NTAQ1: variants seen among roughly 807,000 people sequenced by gnomAD.
NTAQ1 encodes N-terminal glutamine amidase 1, also known as protein N-terminal glutamine amidohydrolase.
A neutral mutation model predicts 28.2 loss-of-function variants in NTAQ1; 21 were observed. That is an observed-to-expected ratio of 0.74 (90% CI 0.53 to 1.07). The LOEUF (loss-of-function observed/expected upper bound fraction) is 1.07. Ranked by LOEUF, NTAQ1 falls within the 50% of genes least tolerant of loss-of-function variation. The pLI is 0.00. For missense variants in NTAQ1, 264 were observed against 256.6 expected (o/e 1.03, Z -0.20); for synonymous variants, 105 against 90.0 (o/e 1.17, Z -0.94).
intron 2 of NTAQ1, 120 bp from the exon 3 acceptor site, chr8:123,429,863 G>C: frequency 1.6e-6 from 1 of 611,834 alleles, no homozygotes; most frequent in Non-Finnish European, 2.6e-6. Flanking sequence ...CTGGGTGACA[G>C]AGCAGGACTC....
At chr8:123,453,195 A>G (rs1586964627) in intron 6 of NTAQ1, among the ~76,000 whole-genome samples, 1 of 152,290 alleles carries the variant, frequency 6.6e-6, no homozygotes, top group East Asian at 1.9e-4. Context: ...CCAGATGCTG[A>G]GGAGATCTTG....
At chr8:123,460,738 G>C (rs1227134198) in intron 6 of NTAQ1, among the ~76,000 whole-genome samples, 3 of 152,192 alleles carry the variant, frequency 2.0e-5, no homozygotes, top group African/African-American at 7.2e-5. Context: ...GAGACCAGCT[G>C]GGGGAGACCT....
chr8:123,444,658 C>G (rs2130350578), downstream of NTAQ1, among the ~76,000 whole-genome samples: 1 of 152,318 alleles, frequency 6.6e-6, no homozygotes, highest in Admixed American at 6.5e-5. Flanking sequence ...AGGTGCCCAC[C>G]ACTACGCCCA....
At chr8:123,449,950 C>A (rs765668134), downstream of NTAQ1, among the ~76,000 whole-genome samples, 20 of 42,856 alleles carry the variant, frequency 4.7e-4, no homozygotes, top group East Asian at 3.9e-3. Context: ...TGTGTGTGTG[C>A]ATATATATAT....
chr8:123,471,918 A>T (rs763445943), downstream of NTAQ1, among the ~76,000 whole-genome samples: 1 of 152,242 alleles, frequency 6.6e-6, no homozygotes, highest in Admixed American at 6.5e-5. Context: ...AAAATTAACC[A>T]TCACACTTTA....
intron 2 of NTAQ1, among the ~76,000 whole-genome samples, chr8:123,428,709 T>C (rs1410489292): frequency 6.6e-6 from 1 of 152,140 alleles, no homozygotes; most frequent in Non-Finnish European, 1.5e-5. Context: ...CAAGTGATTT[T>C]TGTGTCTCAG....
At chr8:123,424,680 C>G (rs1813934674) in intron 1 of NTAQ1, among the ~76,000 whole-genome samples, 1 of 152,186 alleles carries the variant, frequency 6.6e-6, no homozygotes, top group African/African-American at 2.4e-5. Context: ...GCCTGGATTA[C>G]AGGCATGAAC....
At chr8:123,444,056 T>C (rs200529518), downstream of NTAQ1, among the ~76,000 whole-genome samples, 74 of 134,172 alleles carry the variant, frequency 5.5e-4, no homozygotes, top group Admixed American at 5.8e-4. Flanking sequence ...AAACTTTTTC[T>C]TTTTTTTTTT....
intron 3 of NTAQ1, among the ~76,000 whole-genome samples, chr8:123,432,389 C>A (rs1417010222): frequency 1.3e-5 from 2 of 152,062 alleles, no homozygotes; most frequent in Non-Finnish European, 2.9e-5. Flanking sequence ...CCTGTAATCC[C>A]AGCACTTTGG....
At chr8:123,462,038 G>A (rs1815837069) in intron 6 of NTAQ1, among the ~76,000 whole-genome samples, 1 of 152,058 alleles carries the variant, frequency 6.6e-6, no homozygotes, top group African/African-American at 2.4e-5. Context: ...TCCCTAAAAG[G>A]GAGGTTTTCT....
intron 3 of NTAQ1, among the ~76,000 whole-genome samples, chr8:123,433,855 C>T (rs1441949286): frequency 2.0e-5 from 3 of 152,084 alleles, no homozygotes; most frequent in Admixed American, 6.6e-5. Flanking sequence ...GCATGTGGCC[C>T]AAGACAGCTT....
chr8:123,427,970 C>G lies in NTAQ1; in HGVS notation c.130C>G (p.Gln44Glu). The G allele has an allele frequency of 6.2e-7, 1 of 1,610,954 alleles. No homozygotes were observed. Among genetic ancestry groups the G allele is most frequent in the East Asian group, 2.2e-5 (1 of 44,786 alleles). The change falls in exon 2 of 6, where the codon CAG becomes GAG. Residue 44 changes from glutamine (Q) to glutamate (E), a missense_variant. By Grantham distance (29) the Gln-to-Glu change is conservative. Transcript: ENST00000287387. ...CTGTGAATACATCAAAAACCATGAC[C>G]AGTATCCTTTAGAAGAATGTTATGC... is the stretch of plus-strand genomic sequence containing the variant. Reference protein sequence around the residue: ...KLCEYIKNHDQYPLEECYAVF... With the variant: ...KLCEYIKNHDEYPLEECYAVF...
downstream of NTAQ1, among the ~76,000 whole-genome samples, chr8:123,451,399 C>T (rs1024619005): frequency 5.3e-5 from 8 of 152,266 alleles, no homozygotes; most frequent in East Asian, 3.9e-4. Flanking sequence ...GGTGCAGTGG[C>T]GTGATCTTGA....
intron 6 of NTAQ1, among the ~76,000 whole-genome samples, chr8:123,465,059 C>T (rs1365875409): frequency 2.6e-5 from 4 of 152,022 alleles, no homozygotes; most frequent in Admixed American, 2.6e-4. Context: ...GTGTGGGCCC[C>T]AGGGGAGAGA....
chr8:123,469,493 T>C (rs970458013), exon 7 of NTAQ1, among the ~76,000 whole-genome samples: 1 of 152,220 alleles, frequency 6.6e-6, no homozygotes, highest in East Asian at 1.9e-4. Flanking sequence ...TCCTTTTTGT[T>C]TGTCTTCTCC....
intron 3 of NTAQ1, among the ~76,000 whole-genome samples, chr8:123,436,165 A>G (rs895382023): frequency 8.9e-5 from 10 of 111,756 alleles, no homozygotes; most frequent in Non-Finnish European, 1.7e-4. Context: ...GTAAGACTCC[A>G]TCTCAAAAAA....
chr8:123,433,206 T>G (rs1426053306), intron 3 of NTAQ1, among the ~76,000 whole-genome samples: 1 of 152,164 alleles, frequency 6.6e-6, no homozygotes, highest in Admixed American at 6.6e-5. Context: ...GAAGGCAATT[T>G]TGGGCCAACC....
intron 2 of NTAQ1, 84 bp downstream of exon 2, chr8:123,428,107 T>G: frequency 4.4e-6 from 4 of 919,304 alleles, no homozygotes; most frequent in East Asian, 2.4e-5. Context: ...AAGCTAAATA[T>G]AGCATGGGTG....
chr8:123,441,158 A>G, intron 5 of NTAQ1, 148 bp from the exon 6 acceptor site: 2 of 621,884 alleles, frequency 3.2e-6, no homozygotes, highest in South Asian at 4.1e-5. Flanking sequence ...TTGAAGTTAT[A>G]CATTCAAGGC....
Sources: allele counts gnomAD v4.1 joint callset (sites outside exome capture counted in the v4.1 genomes callset), GRCh38; gene constraint gnomAD v4.1.1; transcripts MANE v1.5; gene names NCBI Gene and HGNC (gene_info 2026-07-23, HGNC 2026-07-21).